MAP1B: variants seen among roughly 807,000 people sequenced by gnomAD.
MAP1B encodes microtubule-associated protein 1B.
Under a neutral mutation model 176.1 loss-of-function variants are expected in MAP1B, and 12 were observed. The ratio of observed to expected loss-of-function variants is 0.07; its 90% CI spans 0.04 to 0.11. The LOEUF is 0.11. MAP1B is among the 10% of genes least tolerant of loss of function. The pLI is 1.00. For synonymous variants in MAP1B, 1,044 were observed against 1,135.0 expected (o/e 0.92, Z 1.61); for missense variants, 2,523 against 2,990.5 (o/e 0.84, Z 3.65).
Position 72,203,552 on chromosome 5 carries a change from A to T in MAP1B, c.7013-11A>T. Reference sequence around the variant, plus strand: ...CTATGACCTTGCTTTGTCTTTGTTTATTTACCCAAGGACCAGGAACTACCA... The same window carrying T: ...CTATGACCTTGCTTTGTCTTTGTTTTTTTACCCAAGGACCAGGAACTACCA... On this transcript the variant is annotated splice_polypyrimidine_tract_variant and intron_variant, in intron 5 of 6. Coordinates refer to ENST00000296755, the MANE Select transcript of MAP1B (RefSeq NM_005909.5). 1 of 1,604,910 alleles carries T rather than the reference A, an allele frequency of 6.2e-7. No homozygotes were observed. Among genetic ancestry groups the T allele is most frequent in the South Asian group, 1.1e-5 (1 of 90,882 alleles).
chr5:72,159,575 T>G (rs1210608141), intron 2 of MAP1B, among the ~76,000 whole-genome samples: 1 of 152,254 alleles, frequency 6.6e-6, no homozygotes, highest in Non-Finnish European at 1.5e-5. Flanking sequence ...GCTGTTGTAT[T>G]GTTGATAAAC....
At chr5:72,202,466 G>A (rs1250953525) in intron 5 of MAP1B, among the ~76,000 whole-genome samples, 5 of 152,198 alleles carry the variant, frequency 3.3e-5, no homozygotes, top group African/African-American at 1.2e-4. Flanking sequence ...CTGTACAGTT[G>A]ATAGAATTAG....
chr5:72,175,830 A>G (rs1746642967), intron 2 of MAP1B, among the ~76,000 whole-genome samples: 1 of 152,248 alleles, frequency 6.6e-6, no homozygotes, highest in Non-Finnish European at 1.5e-5. Flanking sequence ...TATAGACTCA[A>G]ATTAGGTAAT....
chr5:72,205,137 G>A lies in MAP1B; in HGVS notation c.7305G>A (p.Glu2435=), dbSNP rs374861413. 1 of 1,613,760 alleles carries A rather than the reference G, an allele frequency of 6.2e-7. No individual in the cohort carries two copies. The highest frequency in any genetic ancestry group is 1.1e-5 in the South Asian group (1 of 91,062). The change falls in exon 7 of 7, where the codon GAG becomes GAA. Residue 2435 remains glutamate (E), a synonymous_variant. Coordinates refer to ENST00000296755, the MANE Select transcript of MAP1B (RefSeq NM_005909.5). ...AAGTGATGAGGGAATGGTACCAGGA[G>A]ACCCATGAGAAACAGCAAGATCTCA... is the stretch of plus-strand genomic sequence containing the variant. ...DSEVMREWYQ[E]THEKQQDLNI... is the part of the protein sequence containing the mutation.
At position 72,154,332 on chromosome 5, in the gene MAP1B, G is replaced by A. The variant is rs532983987; in HGVS notation, c.287-29411G>A. 3.9e-5 allele frequency among the ~76,000 whole-genome samples: 6 copies of A among 152,238 alleles called. No individual in the cohort carries two copies. In the South Asian group the frequency reaches 8.3e-4, roughly 21 times the overall value. On this transcript the variant is annotated intron_variant, in intron 2 of 6. Coordinates refer to ENST00000296755, the MANE Select transcript of MAP1B (RefSeq NM_005909.5). Reference sequence around the variant, plus strand: ...AGTGACTTTCCTCCAAATGGATATCGGGCTGGCATATTTTGGGACCTATTG... The same window carrying A: ...AGTGACTTTCCTCCAAATGGATATCAGGCTGGCATATTTTGGGACCTATTG...
intron 1 of MAP1B, among the ~76,000 whole-genome samples, chr5:72,112,759 G>T (rs1745366356): frequency 6.6e-6 from 1 of 152,216 alleles, no homozygotes; most frequent in African/African-American, 2.4e-5. Flanking sequence ...CAACTGCCTG[G>T]AGTTATTCTG....
chr5:72,165,858 T>C (rs938434980), intron 2 of MAP1B, among the ~76,000 whole-genome samples: 2 of 152,194 alleles, frequency 1.3e-5, no homozygotes, highest in African/African-American at 4.8e-5. Context: ...TAGAGCATGC[T>C]ATGTGCTGTG....
chr5:72,120,680 C>A (rs1745511993), intron 2 of MAP1B, among the ~76,000 whole-genome samples: 1 of 152,036 alleles, frequency 6.6e-6, no homozygotes, highest in South Asian at 2.1e-4. Context: ...CCCACTTCAG[C>A]CTCCCAAAGC....
At chr5:72,114,846 A>G (rs1251112145) in intron 1 of MAP1B, among the ~76,000 whole-genome samples, 1 of 152,156 alleles carries the variant, frequency 6.6e-6, no homozygotes, top group Non-Finnish European at 1.5e-5. Flanking sequence ...CACCCTGGAT[A>G]TTCCTTTCAG....
intron 2 of MAP1B, among the ~76,000 whole-genome samples, chr5:72,117,318 A>T (rs1025057824): frequency 2.0e-5 from 3 of 152,216 alleles, no homozygotes; most frequent in Non-Finnish European, 4.4e-5. Context: ...GCTGTTTTCC[A>T]AAAAGTATGA....
rs565816525 is a variant in MAP1B, at chr5:72,142,803, T to C, written c.286+27004T>C. ...ATAATAGAGTGGAGCAGAACTGTTATGGGTCATTTTTATATAGGCCGTAGT... is the reference window on the plus strand; with the variant it reads ...ATAATAGAGTGGAGCAGAACTGTTACGGGTCATTTTTATATAGGCCGTAGT... On this transcript the variant is annotated intron_variant, in intron 2 of 6. Coordinates refer to ENST00000296755, the MANE Select transcript of MAP1B (RefSeq NM_005909.5). Among the ~76,000 whole-genome samples the C allele has an allele frequency of 3.5e-4, 53 of 152,196 alleles. 1 individual carries two copies. In the South Asian group the frequency reaches 0.01, roughly 30 times the overall value.
In MAP1B at chr5:72,197,612, G is replaced by A; in HGVS notation, c.4257G>A (p.Lys1419=). 6.2e-7 allele frequency: 1 copy of A among 1,614,200 alleles called. No homozygotes were observed. The highest frequency in any genetic ancestry group is 8.5e-7 in the Non-Finnish European group (1 of 1,180,034). ...AYESFLSADD[K]ASGRGAESPF... ...AAAGTTTTCTAAGTGCTGATGACAA[G>A]GCTTCTGGCAGAGGTGCCGAAAGTC... Residue 1419 remains lysine (K), a synonymous_variant, in exon 5 of 7, where the codon AAG becomes AAA. Transcript: ENST00000296755.
chr5:72,124,209 G>T (rs776064178), intron 2 of MAP1B, among the ~76,000 whole-genome samples: 1 of 152,034 alleles, frequency 6.6e-6, no homozygotes, highest in Admixed American at 6.6e-5. Flanking sequence ...TTGTTTTCTC[G>T]GCTGTGATCT....
intron 2 of MAP1B, among the ~76,000 whole-genome samples, chr5:72,153,838 A>T (rs1233351387): frequency 6.6e-6 from 1 of 152,160 alleles, no homozygotes; most frequent in Non-Finnish European, 1.5e-5. Flanking sequence ...GTGGGACCTT[A>T]TGAGCAGTGT....
intron 2 of MAP1B, among the ~76,000 whole-genome samples, chr5:72,131,674 G>A (rs191203747): frequency 2.0e-3 from 311 of 152,312 alleles, no homozygotes; most frequent in African/African-American, 7.1e-3. Context: ...CAACATTTCT[G>A]AGATCAGAAT....
intron 2 of MAP1B, among the ~76,000 whole-genome samples, chr5:72,178,211 C>T (rs999642465): frequency 2.6e-5 from 4 of 152,160 alleles, no homozygotes; most frequent in African/African-American, 7.2e-5. Flanking sequence ...CCATGTTGGC[C>T]AGGCTGGTCT....
intron 2 of MAP1B, among the ~76,000 whole-genome samples, chr5:72,145,640 T>C (rs1746030839): frequency 6.6e-6 from 1 of 152,216 alleles, no homozygotes; most frequent in Non-Finnish European, 1.5e-5. Context: ...CACCTGACAA[T>C]ATTCCATTCA....
At chr5:72,126,253 C>T (rs1423151261) in intron 2 of MAP1B, among the ~76,000 whole-genome samples, 1 of 152,238 alleles carries the variant, frequency 6.6e-6, no homozygotes, top group East Asian at 1.9e-4. Context: ...CCATGGTGCT[C>T]CCTGAAGAGC....
In MAP1B at chr5:72,198,475, A is replaced by G; in HGVS notation, c.5120A>G (p.Glu1707Gly). ...SSLSHKIPPM[E>G]EPSYTQDNDL... Reference sequence around the variant, plus strand: ...TTATCACATAAGATACCACCTATGGAGGAGCCGTCCTACACCCAAGATAAT... The same window carrying G: ...TTATCACATAAGATACCACCTATGGGGGAGCCGTCCTACACCCAAGATAAT... The change falls in exon 5 of 7, where the codon GAG (glutamate) becomes GGG (glycine). Residue 1707 changes from glutamate (E) to glycine (G), a missense_variant. Transcript: ENST00000296755. The G allele has an allele frequency of 6.2e-7, 1 of 1,613,958 alleles. No homozygotes were observed.
Sources: allele counts gnomAD v4.1 joint callset (sites outside exome capture counted in the v4.1 genomes callset), GRCh38; gene constraint gnomAD v4.1.1; transcripts MANE v1.5; gene names NCBI Gene and HGNC (gene_info 2026-07-23, HGNC 2026-07-21).